The following ARL15 variants were observed in gnomAD, a reference collection of about 807,000 sequenced individuals.
ARL15 encodes the protein ADP-ribosylation factor-like protein 15.
In ARL15, 19 loss-of-function variants were observed where a neutral mutation model predicts 25.2. The ratio of observed to expected loss-of-function variants is 0.75; its 90% CI spans 0.53 to 1.10. The LOEUF is 1.10. Among genes scored for constraint, ARL15 ranks in the 50% least tolerant of loss-of-function variants. ARL15 has a pLI of 0.00. For missense variants in ARL15, 220 were observed against 246.0 expected (o/e 0.89, Z 0.71); for synonymous variants, 94 against 86.8 (o/e 1.08, Z -0.46).
intron 1 of ARL15, among the ~76,000 whole-genome samples, chr5:54,304,002 A>G (rs894035796): frequency 1.1e-4 from 16 of 152,174 alleles, no homozygotes; most frequent in Non-Finnish European, 2.4e-4. Context: ...CTCTGTAACA[A>G]TCACCTGCCA....
intron 3 of ARL15, among the ~76,000 whole-genome samples, chr5:54,114,864 GAATTTC>G (rs1752854514): frequency 6.6e-6 from 1 of 152,136 alleles, no homozygotes; most frequent in Non-Finnish European, 1.5e-5. Context: ...AGATTTCAAG[GAATTTC>G]ACCAATTTAT....
intron 4 of ARL15, among the ~76,000 whole-genome samples, chr5:54,013,578 T>G (rs1480315726): frequency 1.3e-5 from 2 of 152,194 alleles, no homozygotes; most frequent in Non-Finnish European, 2.9e-5. Context: ...ATAGCTTACC[T>G]TCCTATAAGG....
chr5:53,965,995 C>T (rs1166989797), intron 4 of ARL15, among the ~76,000 whole-genome samples: 1 of 152,118 alleles, frequency 6.6e-6, no homozygotes, highest in Non-Finnish European at 1.5e-5. Flanking sequence ...GTTTTCATCC[C>T]CATTTCCTGA....
chr5:54,275,623 GCAAAGAGCTAGATTC>G (rs1757907630), intron 1 of ARL15, among the ~76,000 whole-genome samples: 1 of 152,078 alleles, frequency 6.6e-6, no homozygotes, highest in South Asian at 2.1e-4. Context: ...GACTCATGAA[GCAAAGAGCTAGATTC>G]CAAAGTGACT....
intron 4 of ARL15, among the ~76,000 whole-genome samples, chr5:53,921,962 C>T (rs1390956678): frequency 6.6e-6 from 1 of 152,232 alleles, no homozygotes; most frequent in Non-Finnish European, 1.5e-5. Flanking sequence ...GTTTTGCAGA[C>T]ATACCAGAGC....
intron 4 of ARL15, among the ~76,000 whole-genome samples, chr5:53,895,303 G>A (rs1744835967): frequency 6.6e-6 from 1 of 152,208 alleles, no homozygotes; most frequent in Non-Finnish European, 1.5e-5. Context: ...CTGGGCTCCA[G>A]TTACGACTTC....
intron 3 of ARL15, 45 bp downstream of exon 3, chr5:54,154,535 C>A (rs1229713646): frequency 7.9e-7 from 1 of 1,272,694 alleles, no homozygotes; most frequent in Non-Finnish European, 1.1e-6. Flanking sequence ...TTACCAAATT[C>A]ATAAAAGTTA....
At chr5:54,266,457 A>T (rs1390348692) in intron 1 of ARL15, among the ~76,000 whole-genome samples, 2 of 152,222 alleles carry the variant, frequency 1.3e-5, no homozygotes, top group African/African-American at 4.8e-5. Context: ...AGTCTTCCTG[A>T]GTATGGGTAT....
Position 54,054,299 on chromosome 5 carries a change from T to C in ARL15, c.462+58903A>G, listed in dbSNP as rs144595229. 5.0e-3 allele frequency among the ~76,000 whole-genome samples: 764 copies of C among 152,344 alleles called. 5 individuals carry two copies. Among genetic ancestry groups the C allele is most frequent in the African/African-American group, 0.018 (739 of 41,574 alleles). On this transcript the variant is annotated intron_variant, in intron 4 of 4. Transcript: ENST00000504924. ...TGCTTATTTTTGAGCTTTATAAAAA[T>C]GGCACTGTACTATCTTCTGAGACTT...
At chr5:54,310,250 C>T in intron 1 of ARL15, 182 bp downstream of exon 1, 1 of 640,850 alleles carries the variant, frequency 1.6e-6, no homozygotes. Context: ...CTCCACCACC[C>T]ACCCGCCCTG....
intron 3 of ARL15, among the ~76,000 whole-genome samples, chr5:54,147,027 C>T (rs1753932743): frequency 6.6e-6 from 1 of 152,162 alleles, no homozygotes; most frequent in East Asian, 1.9e-4. Flanking sequence ...AACACTTAAA[C>T]ACCACCACCC....
chr5:53,993,246 C>T (rs1748565501), intron 4 of ARL15, among the ~76,000 whole-genome samples: 1 of 152,174 alleles, frequency 6.6e-6, no homozygotes, highest in Admixed American at 6.5e-5. Flanking sequence ...TGTTAACTCT[C>T]TTCTTTCCTT....
chr5:54,024,886 AT>A (rs1749736584), intron 4 of ARL15, among the ~76,000 whole-genome samples: 1 of 152,160 alleles, frequency 6.6e-6, no homozygotes, highest in Non-Finnish European at 1.5e-5. Context: ...GGAAAAAAAC[AT>A]TTTTTATGCA....
intron 4 of ARL15, among the ~76,000 whole-genome samples, chr5:53,936,401 T>C (rs1398773866): frequency 2.0e-5 from 3 of 152,212 alleles, no homozygotes; most frequent in African/African-American, 7.2e-5. Context: ...ACTGAGTTTT[T>C]AAACCCAGAT....
intron 4 of ARL15, among the ~76,000 whole-genome samples, chr5:54,090,624 C>T (rs888503788): frequency 1.4e-4 from 21 of 150,452 alleles, no homozygotes; most frequent in Admixed American, 8.6e-4. Flanking sequence ...ATGTTCCATA[C>T]ATTATACATT....
At chr5:54,296,212 T>C (rs922510809) in intron 1 of ARL15, among the ~76,000 whole-genome samples, 3 of 152,174 alleles carry the variant, frequency 2.0e-5, no homozygotes, top group African/African-American at 7.2e-5. Flanking sequence ...GGAAGGCTGG[T>C]AGGGGGAAAA....
At chr5:54,192,557 T>C (rs1755436127) in intron 1 of ARL15, among the ~76,000 whole-genome samples, 1 of 150,448 alleles carries the variant, frequency 6.6e-6, no homozygotes, top group Admixed American at 6.7e-5. Context: ...TTAAATCACA[T>C]CCTATTAAAT....
At chr5:54,012,062 G>A (rs1749262443) in intron 4 of ARL15, among the ~76,000 whole-genome samples, 1 of 152,024 alleles carries the variant, frequency 6.6e-6, no homozygotes, top group African/African-American at 2.4e-5. Context: ...TAAATTTAAG[G>A]TAGCATTTCT....
chr5:54,180,772 T>C (rs1755033121), intron 1 of ARL15, among the ~76,000 whole-genome samples: 1 of 152,192 alleles, frequency 6.6e-6, no homozygotes, highest in Non-Finnish European at 1.5e-5. Flanking sequence ...AATACTCCAT[T>C]ATTTCTGCTT....
Sources: allele counts gnomAD v4.1 joint callset (sites outside exome capture counted in the v4.1 genomes callset), GRCh38; gene constraint gnomAD v4.1.1; transcripts MANE v1.5; gene names NCBI Gene and HGNC (gene_info 2026-07-23, HGNC 2026-07-21).